WASL: variants seen among roughly 807,000 people sequenced by gnomAD.
WASL encodes the protein WASP like actin nucleation promoting factor, also known as actin nucleation-promoting factor WASL.
A neutral mutation model predicts 55.5 loss-of-function variants in WASL; 20 were observed. The ratio of observed to expected loss-of-function variants is 0.36; its 90% confidence interval spans 0.25 to 0.52. WASL has a LOEUF of 0.52. Ranked by LOEUF, WASL falls within the 20% of genes least tolerant of loss-of-function variation. WASL has a pLI of 0.92. For synonymous variants in WASL, 249 were observed against 217.6 expected (o/e 1.14, Z -1.27); for missense variants, 504 against 622.5 (o/e 0.81, Z 2.03).
intron 8 of WASL, among the ~76,000 whole-genome samples, chr7:123,694,290 C>A (rs1803459287): frequency 6.6e-6 from 1 of 151,930 alleles, no homozygotes; most frequent in African/African-American, 2.4e-5. Context: ...CATACTTTAT[C>A]CAAGAAAAAG....
chr7:123,699,817 T>C (rs1454782724), intron 5 of WASL, among the ~76,000 whole-genome samples: 3 of 152,174 alleles, frequency 2.0e-5, no homozygotes, highest in Non-Finnish European at 4.4e-5. Context: ...CAGGCATGAA[T>C]ATATTATTAT....
intron 1 of WASL, among the ~76,000 whole-genome samples, chr7:123,732,274 G>A (rs2116816918): frequency 6.6e-6 from 1 of 152,308 alleles, no homozygotes; most frequent in African/African-American, 2.4e-5. Flanking sequence ...AGCTTGCAGT[G>A]AGCCGAGACT....
rs1803222845 is a variant in WASL at position 123,682,996 on chromosome 7, A to C, written c.*1523T>G. The C allele has an allele frequency of 6.6e-6, 1 of 152,144 alleles. No homozygotes were observed. The highest frequency in any genetic ancestry group is 2.4e-5 in the African/African-American group (1 of 41,448). The allele number at this position is 152,144 out of a possible 1,614,324, so 9.4% of individuals were successfully genotyped here. On this transcript the variant is annotated 3_prime_UTR_variant, in exon 11 of 11. Transcript: ENST00000223023. ...ATTTCTTATGATAACTAGATGCATG[A>C]TCACTAGAGATTATGTAATAAATGG... is the stretch of plus-strand genomic sequence containing the variant.
intron 5 of WASL, among the ~76,000 whole-genome samples, chr7:123,698,688 C>T (rs890292669): frequency 5.9e-5 from 9 of 151,896 alleles, no homozygotes; most frequent in Admixed American, 3.9e-4. Context: ...TCATTAAAAG[C>T]TTTTTTAGTG....
rs150939979 is a variant in WASL, at chr7:123,741,630, C to T, written c.117+6988G>A. ...TTTTTCTACTCAAAACTAGAATGGG[C>T]TACCATTATACTTCCATTAATATTA... On this transcript the variant is annotated intron_variant, in intron 1 of 10. Coordinates refer to ENST00000223023, the MANE Select transcript of WASL (RefSeq NM_003941.4). Among the ~76,000 whole-genome samples the T allele has an allele frequency of 1.8e-3, 279 of 152,162 alleles. 1 individual carries two copies. Among genetic ancestry groups the T allele is most frequent in the Non-Finnish European group, 3.0e-3 (201 of 68,000 alleles).
chr7:123,705,524 G>A (rs1803655186), intron 4 of WASL, among the ~76,000 whole-genome samples: 1 of 152,134 alleles, frequency 6.6e-6, no homozygotes, highest in South Asian at 2.1e-4. Flanking sequence ...GGAACTATAG[G>A]ACTGGATGAA....
In WASL at chr7:123,684,577, TCATCTA is replaced by T; in HGVS notation, c.1457-3_1459del. 2.0e-6 allele frequency: 3 copies of T among 1,484,114 alleles called. No individual in the cohort carries two copies. Among genetic ancestry groups the T allele is most frequent in the Non-Finnish European group, 2.7e-6 (3 of 1,092,854 alleles). The allele number at this position is 1,484,114 out of a possible 1,614,324, so 91.9% of individuals were successfully genotyped here. A position where few individuals can be genotyped will look rare whatever the true frequency, so the allele number is the denominator to read the frequency against. ...TTCTTCATCATCTTCATCTTCATCTTCATCTACAAGAAAATCAAGACAATTAAAACA... is the reference window on the plus strand; with the variant it reads ...TTCTTCATCATCTTCATCTTCATCTTCAAGAAAATCAAGACAATTAAAACA... On this transcript the variant is annotated splice_acceptor_variant and splice_polypyrimidine_tract_variant and coding_sequence_variant and intron_variant, in exon 11 of 11. Coordinates refer to ENST00000223023, the MANE Select transcript of WASL (RefSeq NM_003941.4). LOFTEE classifies it high-confidence loss of function.
At chr7:123,696,774 AG>A in intron 5 of WASL, 27 bp from the exon 6 acceptor site, 1 of 1,429,946 alleles carries the variant, frequency 7.0e-7, no homozygotes, top group Non-Finnish European at 9.3e-7. Context: ...ATTATATAAA[AG>A]GGATATAATT....
intron 5 of WASL, among the ~76,000 whole-genome samples, chr7:123,701,126 A>C (rs1803582793): frequency 6.6e-6 from 1 of 152,230 alleles, no homozygotes; most frequent in Non-Finnish European, 1.5e-5. Context: ...TATATGAAAG[A>C]TTTAGTAACA....
intron 1 of WASL, among the ~76,000 whole-genome samples, chr7:123,736,367 A>C (rs1804228553): frequency 6.6e-6 from 1 of 152,248 alleles, no homozygotes; most frequent in Admixed American, 6.5e-5. Flanking sequence ...TAAGGGTACC[A>C]GAAATGATAA....
chr7:123,694,788 T>C lies in WASL; in HGVS notation c.753A>G (p.Thr251=), dbSNP rs2116772577. 2 of 1,613,340 alleles carry C rather than the reference T, an allele frequency of 1.2e-6. No homozygotes were observed. The highest frequency in any genetic ancestry group is 1.7e-6 in the Non-Finnish European group (2 of 1,179,630). ...ISEAQLKDRE[T]SKVIYDFIEK... is the part of the protein sequence containing the mutation. ...CAATAAAGTCATATATAACTTTTGA[T>C]GTTTCTCTGTCTTTAAGTTGTGCCT... Residue 251 remains threonine (T), a synonymous_variant, in exon 8 of 11, where the codon ACA becomes ACG. Transcript: ENST00000223023.
Position 123,682,978 on chromosome 7 carries a change from AT to A in WASL, c.*1540del, listed in dbSNP as rs777623805. On this transcript the variant is annotated 3_prime_UTR_variant, in exon 11 of 11. Transcript: ENST00000223023. The stretch of plus-strand genomic sequence containing the variant: ...AACAAAACCTTTTAAATTATTTCTT[AT>A]GATAACTAGATGCATGATCACTAGA... 35 of 151,688 alleles carry A rather than the reference AT, an allele frequency of 2.3e-4. No homozygotes were observed. Among genetic ancestry groups the A allele is most frequent in the Non-Finnish European group, 4.7e-4 (32 of 67,986 alleles). 9.4% of individuals were successfully genotyped at this position (151,688 alleles called of 1,614,324 possible).
At chr7:123,748,285 G>T (rs1185537304) in intron 1 of WASL, among the ~76,000 whole-genome samples, 1 of 152,156 alleles carries the variant, frequency 6.6e-6, no homozygotes, top group Non-Finnish European at 1.5e-5. Context: ...CTAGGACCAA[G>T]CGGCTCTTGC....
Position 123,748,702 on chromosome 7 carries a change from C to T in WASL, c.33G>A (p.Pro11=), listed in dbSNP as rs778084325. 19 of 1,504,524 alleles carry T rather than the reference C, an allele frequency of 1.3e-5. No individual in the cohort carries two copies. The Admixed American group carries it at 3.3e-4, about 26-fold the overall frequency. The allele number at this position is 1,504,524 out of a possible 1,614,324, so 93.2% of individuals were successfully genotyped here. A position where few individuals can be genotyped will look rare whatever the true frequency, so the allele number is the denominator to read the frequency against. ...GGGACCCCACGTTGGTGACCCTCCG[C>T]GGCGGCGGCGGCTGCTGCTGGACGG... MSSVQQQPPP[P]RRVTNVGSLL... is the part of the protein sequence containing the mutation. The change falls in exon 1 of 11, where the codon CCG becomes CCA. Residue 11 remains proline (P), a synonymous_variant. Coordinates refer to ENST00000223023, the MANE Select transcript of WASL (RefSeq NM_003941.4).
chr7:123,691,714 A>G (rs1164204019), intron 9 of WASL, among the ~76,000 whole-genome samples: 4 of 152,192 alleles, frequency 2.6e-5, no homozygotes, highest in Admixed American at 6.5e-5. Flanking sequence ...CCTCATCCAA[A>G]TCAGATAATC....
intron 5 of WASL, among the ~76,000 whole-genome samples, chr7:123,699,933 T>C (rs1321677407): frequency 6.6e-6 from 1 of 151,966 alleles, no homozygotes; most frequent in Non-Finnish European, 1.5e-5. Flanking sequence ...TCCCAGCACT[T>C]TGGGAGGCCG....
chr7:123,703,396 A>T (rs1803620954), intron 5 of WASL, among the ~76,000 whole-genome samples: 1 of 152,204 alleles, frequency 6.6e-6, no homozygotes, highest in Non-Finnish European at 1.5e-5. Flanking sequence ...GTAGTAAAAG[A>T]TCATTAACTA....
intron 1 of WASL, among the ~76,000 whole-genome samples, chr7:123,733,307 GC>G (rs978366201): frequency 3.3e-5 from 5 of 152,140 alleles, no homozygotes; most frequent in African/African-American, 1.2e-4. Context: ...TTTATATCAA[GC>G]AAGGTTGTAG....
chr7:123,745,212 A>G (rs1562968423), intron 1 of WASL, among the ~76,000 whole-genome samples: 1 of 152,136 alleles, frequency 6.6e-6, no homozygotes, highest in Non-Finnish European at 1.5e-5. Flanking sequence ...TTGAATTCCC[A>G]AAGTACTCTC....
Sources: gnomAD v4.1 joint callset for allele counts (sites outside exome capture counted in the v4.1 genomes callset) on GRCh38, gnomAD v4.1.1 for gene constraint, MANE v1.5 for transcripts, NCBI Gene and HGNC (gene_info 2026-07-23, HGNC 2026-07-21) for gene names.